The following PTBP3 variants were observed in gnomAD, a reference collection of about 807,000 sequenced individuals.
The protein encoded by PTBP3 is polypyrimidine tract-binding protein 3.
PTBP3 carries 20 observed loss-of-function variants against 58.7 expected under a neutral mutation model. The ratio of observed to expected loss-of-function variants is 0.34; its 90% CI spans 0.24 to 0.50. The LOEUF (loss-of-function observed/expected upper bound fraction) is 0.50, where lower values mean the gene tolerates loss of function less well. PTBP3 is among the 20% of genes least tolerant of loss of function. PTBP3 has a pLI of 0.98. For missense variants in PTBP3, 509 were observed against 637.2 expected, an observed-to-expected ratio of 0.80 and a Z score of 2.17; for synonymous variants, 185 against 219.8, an observed-to-expected ratio of 0.84 and a Z score of 1.40.
At chr9:112,366,486 T>C in the PTBP3 span, among the ~76,000 whole-genome samples, 1 of 151,888 alleles carries the variant, frequency 6.6e-6, no homozygotes, top group Admixed American at 6.6e-5. Flanking sequence ...ACTCCAGCCA[T>C]GGATGAAAGG....
chr9:112,274,594 T>C (rs1827529652), intron 3 of PTBP3, among the ~76,000 whole-genome samples: 1 of 152,216 alleles, frequency 6.6e-6, no homozygotes, highest in Non-Finnish European at 1.5e-5. Flanking sequence ...GTTTCCTTAT[T>C]CATCTTAAGA....
At chr9:112,339,918 A>T in the PTBP3 span, among the ~76,000 whole-genome samples, 2,172 of 152,210 alleles carry the variant, frequency 0.014, 50 homozygotes, top group African/African-American at 0.05. Flanking sequence ...TATAACCATG[A>T]CACTAAATGT....
At chr9:112,283,545 A>G (rs1827973842) in intron 2 of PTBP3, among the ~76,000 whole-genome samples, 2 of 152,240 alleles carry the variant, frequency 1.3e-5, no homozygotes, top group African/African-American at 2.4e-5. Flanking sequence ...TCTAAATAGC[A>G]AAGTGTTCAA....
chr9:112,269,502 T>G (rs879700660), intron 3 of PTBP3, among the ~76,000 whole-genome samples: 1 of 152,204 alleles, frequency 6.6e-6, no homozygotes, highest in Non-Finnish European at 1.5e-5. Flanking sequence ...ACATATGTGA[T>G]AGCAAGAAAT....
intron 1 of PTBP3, among the ~76,000 whole-genome samples, chr9:112,307,621 G>C (rs939181263): frequency 6.6e-6 from 1 of 152,024 alleles, no homozygotes; most frequent in Non-Finnish European, 1.5e-5. Context: ...AAAAGACAAA[G>C]AGAACAAAAG....
chr9:112,250,957 G>T lies in PTBP3; in HGVS notation c.774C>A (p.Ser258=). 1 of 1,606,002 alleles carries T rather than the reference G, an allele frequency of 6.2e-7. No individual in the cohort carries two copies. Among genetic ancestry groups the T allele is most frequent in the Non-Finnish European group, 8.5e-7 (1 of 1,176,182 alleles). The change falls in exon 7 of 14, where the codon TCC becomes TCA. Residue 258 remains serine, a synonymous_variant. Coordinates refer to ENST00000374257, the MANE Select transcript of PTBP3 (RefSeq NM_001163788.4). ...AAGCAGCAGCCATAGGGGGTTCAAG[G>T]GATGGCTGGCCATCACCAGTAGGAA... ...LDLPTGDGQP[S]LEPPMAAAFG...
chr9:112,228,373 T>C lies in PTBP3; in HGVS notation c.1147+7A>G. The C allele has an allele frequency of 1.3e-6, 2 of 1,574,238 alleles. No individual in the cohort carries two copies. The highest frequency in any genetic ancestry group is 1.7e-6 in the Non-Finnish European group (2 of 1,160,722). On this transcript the variant is annotated splice_region_variant and intron_variant, in intron 11 of 13. Coordinates refer to ENST00000374257, the MANE Select transcript of PTBP3 (RefSeq NM_001163788.4). ...CATTATTATTAATAATTATTAATCA[T>C]TAGTACCTAGCTGAGCTTGATTTGC...
chr9:112,299,743 AAT>A (rs1012022948), intron 1 of PTBP3, among the ~76,000 whole-genome samples: 15 of 152,340 alleles, frequency 9.8e-5, no homozygotes, highest in African/African-American at 3.6e-4. Flanking sequence ...ACAGTTTTGT[AAT>A]ATCCTTTGGC....
At chr9:112,337,205 T>G (rs969810655), upstream of PTBP3, among the ~76,000 whole-genome samples, 2 of 152,166 alleles carry the variant, frequency 1.3e-5, no homozygotes, top group East Asian at 3.8e-4. Context: ...AATTTTTGTA[T>G]TTTTCATAGA....
At chr9:112,310,770 C>T (rs1035626097) in intron 1 of PTBP3, among the ~76,000 whole-genome samples, 6 of 152,062 alleles carry the variant, frequency 3.9e-5, no homozygotes, top group African/African-American at 1.4e-4. Flanking sequence ...CAGCAAGGTA[C>T]GACTTAAGAG....
At chr9:112,291,961 A>G (rs1828452683) in intron 2 of PTBP3, among the ~76,000 whole-genome samples, 2 of 45,086 alleles carry the variant, frequency 4.4e-5, no homozygotes, top group Non-Finnish European at 3.6e-5. Context: ...CATAAACTAC[A>G]TACGTGATGG....
chr9:112,319,179 A>T (rs1463098614), intron 1 of PTBP3, among the ~76,000 whole-genome samples: 9 of 152,060 alleles, frequency 5.9e-5, no homozygotes, highest in Admixed American at 2.6e-4. Context: ...CTACAAAAAA[A>T]AAATACTCAG....
the PTBP3 span, among the ~76,000 whole-genome samples, chr9:112,374,206 G>C: frequency 6.6e-6 from 1 of 152,094 alleles, no homozygotes; most frequent in African/African-American, 2.4e-5. Context: ...TCCCTTCTTA[G>C]CCCATTGACT....
chr9:112,350,923 C>T, the PTBP3 span, among the ~76,000 whole-genome samples: 6 of 152,026 alleles, frequency 3.9e-5, no homozygotes, highest in Non-Finnish European at 5.9e-5. Context: ...CCCAGCCTCC[C>T]GAGTAGTTGG....
At chr9:112,297,688 A>G in intron 2 of PTBP3, 144 bp downstream of exon 2, 1 of 481,874 alleles carries the variant, frequency 2.1e-6, no homozygotes, top group Non-Finnish European at 3.5e-6. Flanking sequence ...CTATGTAAAC[A>G]GTATATAGTA....
chr9:112,338,215 C>T (rs975350296), upstream of PTBP3, among the ~76,000 whole-genome samples: 3 of 152,138 alleles, frequency 2.0e-5, no homozygotes, highest in Admixed American at 6.5e-5. Context: ...GGAGTAAGAA[C>T]GGGGATATTT....
At chr9:112,339,196 TGGGA>T in the PTBP3 span, among the ~76,000 whole-genome samples, 1 of 144,720 alleles carries the variant, frequency 6.9e-6, no homozygotes, top group Non-Finnish European at 1.5e-5. Flanking sequence ...GAGGCTGAGG[TGGGA>T]GGATCACCTG....
At chr9:112,240,723 T>C (rs528594859) in intron 7 of PTBP3, among the ~76,000 whole-genome samples, 1 of 152,086 alleles carries the variant, frequency 6.6e-6, no homozygotes, top group African/African-American at 2.4e-5. Flanking sequence ...TAAGAAAGTA[T>C]TGTCATTATA....
At chr9:112,297,776 A>G in intron 2 of PTBP3, 56 bp downstream of exon 2, 1 of 1,398,312 alleles carries the variant, frequency 7.2e-7, no homozygotes, top group Non-Finnish European at 9.8e-7. Context: ...GAGCATTGTA[A>G]AAAAACAATT....
Sources: allele counts gnomAD v4.1 joint callset (sites outside exome capture counted in the v4.1 genomes callset), GRCh38; gene constraint gnomAD v4.1.1; transcripts MANE v1.5; gene names NCBI Gene and HGNC (gene_info 2026-07-23, HGNC 2026-07-21).